Variants in TSC22D2 observed in about 807,000 individuals in gnomAD.
The protein encoded by TSC22D2 is TSC22 domain family protein 2.
TSC22D2 carries 5 observed loss-of-function variants against 50.1 expected under a neutral mutation model. The ratio of observed to expected loss-of-function variants is 0.10; its 90% CI spans 0.05 to 0.21. The LOEUF is 0.21. TSC22D2 is among the 10% of genes least tolerant of loss of function. TSC22D2 has a pLI of 1.00. For missense variants in TSC22D2, 1,003 were observed against 1,015.5 expected (o/e 0.99, Z 0.17); for synonymous variants, 501 against 450.1 (o/e 1.11, Z -1.43).
chr3:150,415,541 C>G (rs985862236), intron 1 of TSC22D2, among the ~76,000 whole-genome samples: 2 of 152,184 alleles, frequency 1.3e-5, no homozygotes, highest in Non-Finnish European at 2.9e-5. Flanking sequence ...GGGCCAGGAG[C>G]GGTAGCTCAT....
intron 1 of TSC22D2, among the ~76,000 whole-genome samples, chr3:150,412,902 G>A (rs1291369301): frequency 6.6e-6 from 1 of 152,056 alleles, no homozygotes; most frequent in Non-Finnish European, 1.5e-5. Flanking sequence ...TTCCTGATAA[G>A]TTGGCAAATA....
chr3:150,451,329 C>T (rs1479671337), intron 1 of TSC22D2, among the ~76,000 whole-genome samples: 1 of 152,112 alleles, frequency 6.6e-6, no homozygotes, highest in Non-Finnish European at 1.5e-5. Flanking sequence ...TCGTTCTTAG[C>T]AATTAGGTAA....
chr3:150,432,443 T>C (rs1304182983), intron 1 of TSC22D2, among the ~76,000 whole-genome samples: 1 of 152,020 alleles, frequency 6.6e-6, no homozygotes, highest in African/African-American at 2.4e-5. Context: ...TCTTTTTTTT[T>C]CTTTTCACCA....
At position 150,410,787 on chromosome 3, in the gene TSC22D2, G is replaced by T. The variant is rs144273585; in HGVS notation, c.1437G>T (p.Gln479His). 5.2e-5 allele frequency: 84 copies of T among 1,612,590 alleles called. No individual in the cohort carries two copies. In the African/African-American group the frequency reaches 1.0e-3, roughly 19 times the overall value. Reference sequence around the variant, plus strand: ...GTCCTGCCGGGGCTGGGCAGCCCCAGTCCGTGCCTCCGCCGCAGATGGGTG... The same window carrying T: ...GTCCTGCCGGGGCTGGGCAGCCCCATTCCGTGCCTCCGCCGCAGATGGGTG... Reference protein sequence around the residue: ...CLGPAGAGQPQSVPPPQMGGS... With the variant: ...CLGPAGAGQPHSVPPPQMGGS... Residue 479 changes from glutamine to histidine, a missense_variant, in exon 1 of 3, where the codon CAG becomes CAT. Physicochemically the swap from Gln to His is conservative, Grantham distance 24. Transcript: ENST00000688009.
intron 1 of TSC22D2, among the ~76,000 whole-genome samples, chr3:150,442,263 T>C (rs193203202): frequency 1.1e-4 from 17 of 152,294 alleles, no homozygotes; most frequent in African/African-American, 4.1e-4. Flanking sequence ...TTAGCACTTA[T>C]CACACTTAAC....
At chr3:150,411,452 TTGCTG>T in intron 1 of TSC22D2, 144 bp downstream of exon 1, 2 of 864,308 alleles carry the variant, frequency 2.3e-6, no homozygotes, top group Middle Eastern at 3.3e-4. Flanking sequence ...TTGATTTAGA[TTGCTG>T]ATGCTGATGT....
rs1410501245 is a variant in TSC22D2 at position 150,419,905 on chromosome 3, A to G, written c.1958+8597A>G. Among the ~76,000 whole-genome samples, 4 of 152,322 alleles carry G rather than the reference A, an allele frequency of 2.6e-5. No individual in the cohort carries two copies. The East Asian group carries it at 7.7e-4, about 29-fold the overall frequency. ...TTCCTAGAATTGCTTCGTTGGCTCT[A>G]TATTTAGAATGGTAGTTTATATTAA... On this transcript the variant is annotated intron_variant, in intron 1 of 2. Coordinates refer to ENST00000688009, the MANE Select transcript of TSC22D2 (RefSeq NM_001303264.2).
chr3:150,464,580 T>C lies in TSC22D2; in HGVS notation c.*5944T>C, dbSNP rs1390425044. On this transcript the variant is annotated 3_prime_UTR_variant, in exon 3 of 3. Coordinates refer to ENST00000688009, the MANE Select transcript of TSC22D2 (RefSeq NM_001303264.2). Reference sequence around the variant, plus strand: ...TGTAAAAGTTAAAGTGCCATATTGTTTATTCAGAGTATATGTTATAGTTTG... The same window carrying C: ...TGTAAAAGTTAAAGTGCCATATTGTCTATTCAGAGTATATGTTATAGTTTG... 2 of 152,192 alleles carry C rather than the reference T, an allele frequency of 1.3e-5. No individual in the cohort carries two copies. The highest frequency in any genetic ancestry group is 4.8e-5 in the African/African-American group (2 of 41,444). 9.4% of individuals were successfully genotyped at this position (152,192 alleles called of 1,614,324 possible).
intron 1 of TSC22D2, among the ~76,000 whole-genome samples, chr3:150,440,612 A>T (rs759028850): frequency 1.6e-4 from 22 of 141,266 alleles, no homozygotes; most frequent in Non-Finnish European, 3.5e-4. Flanking sequence ...GATATATTGC[A>T]TGTAAAACCC....
chr3:150,446,093 CAAAA>C (rs34550896), intron 1 of TSC22D2, among the ~76,000 whole-genome samples: 4 of 104,072 alleles, frequency 3.8e-5, no homozygotes, highest in Admixed American at 2.1e-4. Context: ...GACTCCATCT[CAAAA>C]AAAAAAAAAA....
chr3:150,444,221 T>A (rs1229833420), intron 1 of TSC22D2, among the ~76,000 whole-genome samples: 1 of 152,206 alleles, frequency 6.6e-6, no homozygotes, highest in Non-Finnish European at 1.5e-5. Context: ...TTAATTAGTT[T>A]CTAATAGTTT....
rs1720988594 is a variant in TSC22D2, at chr3:150,449,820, T to G, written c.1959-7256T>G. On this transcript the variant is annotated intron_variant, in intron 1 of 2. Coordinates refer to ENST00000688009, the MANE Select transcript of TSC22D2 (RefSeq NM_001303264.2). Reference sequence around the variant, plus strand: ...AGAAATCTGTTTTGGAAAATAGTATTACATTATAGTTTTAATTTGTATTTT... The same window carrying G: ...AGAAATCTGTTTTGGAAAATAGTATGACATTATAGTTTTAATTTGTATTTT... Among the ~76,000 whole-genome samples the G allele has an allele frequency of 2.6e-5, 4 of 152,110 alleles. No homozygotes were observed. In the South Asian group the frequency reaches 8.3e-4, roughly 31 times the overall value.
chr3:150,411,937 G>A (rs998316805), intron 1 of TSC22D2, among the ~76,000 whole-genome samples: 1 of 152,184 alleles, frequency 6.6e-6, no homozygotes, highest in Non-Finnish European at 1.5e-5. Context: ...AGCAAAAAAT[G>A]TACTGGAAAG....
intron 1 of TSC22D2, chr3:150,423,116 G>A: frequency 1.9e-6 from 3 of 1,611,898 alleles, no homozygotes; most frequent in Non-Finnish European, 2.5e-6. Context: ...GAGCCTCTGG[G>A]ATAGGTATGA....
In TSC22D2 at chr3:150,410,132, C is replaced by T. The variant is rs1719464803; in HGVS notation, c.782C>T (p.Pro261Leu). Reference sequence around the variant, plus strand: ...CCCCCGTCGGAGAAAATGAGCCAGCCCACTCCGGCCCAGCCGCAGAGTTTT... The same window carrying T: ...CCCCCGTCGGAGAAAATGAGCCAGCTCACTCCGGCCCAGCCGCAGAGTTTT... ...QLPPSEKMSQ[P>L]TPAQPQSFSV... Residue 261 changes from proline (P) to leucine (L), a missense_variant, in exon 1 of 3, where the codon CCC becomes CTC. Physicochemically the swap from Pro to Leu is moderately conservative, Grantham distance 98. Coordinates refer to ENST00000688009, the MANE Select transcript of TSC22D2 (RefSeq NM_001303264.2). The T allele has an allele frequency of 6.2e-7, 1 of 1,612,102 alleles. No homozygotes were observed. The highest frequency in any genetic ancestry group is 1.1e-5 in the South Asian group (1 of 91,094).
intron 1 of TSC22D2, among the ~76,000 whole-genome samples, chr3:150,451,254 TTTAA>T (rs1721035244): frequency 3.3e-5 from 5 of 152,200 alleles, no homozygotes; most frequent in Admixed American, 3.3e-4. Flanking sequence ...TTTGCAGTAT[TTTAA>T]TTAAAGATAC....
At chr3:150,454,500 A>T (rs544494332) in intron 1 of TSC22D2, among the ~76,000 whole-genome samples, 4 of 152,352 alleles carry the variant, frequency 2.6e-5, no homozygotes, top group East Asian at 1.9e-4. Context: ...CTCAAAGCAT[A>T]GTCAGACAGT....
chr3:150,411,340 G>T, intron 1 of TSC22D2, 32 bp downstream of exon 1: 1 of 1,558,814 alleles, frequency 6.4e-7, no homozygotes, highest in Non-Finnish European at 8.7e-7. Context: ...ATATTTGATA[G>T]AAATGCTTGG....
chr3:150,414,690 GT>G (rs1719732577), intron 1 of TSC22D2, among the ~76,000 whole-genome samples: 1 of 151,964 alleles, frequency 6.6e-6, no homozygotes, highest in South Asian at 2.1e-4. Flanking sequence ...TACACATTTT[GT>G]TTGTACATTT....
Sources: allele counts gnomAD v4.1 joint callset (sites outside exome capture counted in the v4.1 genomes callset), GRCh38; gene constraint gnomAD v4.1.1; transcripts MANE v1.5; gene names NCBI Gene and HGNC (gene_info 2026-07-23, HGNC 2026-07-21).